The following LYPLAL1 variants were observed in gnomAD, a reference collection of about 807,000 sequenced individuals.
The protein encoded by LYPLAL1 is lysophospholipase-like protein 1.
A neutral mutation model predicts 19.7 loss-of-function variants in LYPLAL1; 23 were observed. The ratio of observed to expected loss-of-function variants is 1.17; its 90% CI spans 0.84 to 1.65. The LOEUF (loss-of-function observed/expected upper bound fraction) is 1.65, where lower values mean the gene tolerates loss of function less well. Among genes scored for constraint, LYPLAL1 ranks in the 40% most tolerant of loss-of-function variants. LYPLAL1 has a pLI of 0.00. For missense variants in LYPLAL1, 355 were observed against 279.4 expected, an observed-to-expected ratio of 1.27 and a Z score of -1.93; for synonymous variants, 119 against 96.3, an observed-to-expected ratio of 1.24 and a Z score of -1.38.
At chr1:219,395,909 C>T in the LYPLAL1 span, among the ~76,000 whole-genome samples, 1 of 152,022 alleles carries the variant, frequency 6.6e-6, no homozygotes, top group Non-Finnish European at 1.5e-5. Flanking sequence ...CGAGACCATC[C>T]TGGCTAACAC....
At chr1:219,302,828 G>A in the LYPLAL1 span, among the ~76,000 whole-genome samples, 1 of 151,878 alleles carries the variant, frequency 6.6e-6, no homozygotes, top group Non-Finnish European at 1.5e-5. Flanking sequence ...GATCTTCTAG[G>A]TCATTCCAGC....
At chr1:219,302,637 C>T in the LYPLAL1 span, among the ~76,000 whole-genome samples, 14 of 152,156 alleles carry the variant, frequency 9.2e-5, no homozygotes, top group South Asian at 2.1e-4. Flanking sequence ...GTGTGGAGGA[C>T]ACATGAGAAA....
At chr1:219,215,735 T>TA (rs1659269589), downstream of LYPLAL1, among the ~76,000 whole-genome samples, 1 of 152,152 alleles carries the variant, frequency 6.6e-6, no homozygotes, top group South Asian at 2.1e-4. Flanking sequence ...GGGACTCACT[T>TA]AAGTCAGTAA....
chr1:219,292,533 T>C, the LYPLAL1 span, among the ~76,000 whole-genome samples: 2 of 152,186 alleles, frequency 1.3e-5, no homozygotes, highest in Admixed American at 6.5e-5. Context: ...CAGGACATGC[T>C]TCTTCTGTCA....
chr1:219,224,319 T>A, the LYPLAL1 span, among the ~76,000 whole-genome samples: 1 of 152,210 alleles, frequency 6.6e-6, no homozygotes, highest in African/African-American at 2.4e-5. Flanking sequence ...ACAGTATTTT[T>A]AAGTGGCAAG....
chr1:219,434,200 C>T, the LYPLAL1 span, among the ~76,000 whole-genome samples: 1 of 152,014 alleles, frequency 6.6e-6, no homozygotes, highest in Admixed American at 6.6e-5. Flanking sequence ...TCTAAATGAC[C>T]ACAAAACTAC....
At chr1:219,228,315 C>A in the LYPLAL1 span, among the ~76,000 whole-genome samples, 1 of 151,998 alleles carries the variant, frequency 6.6e-6, no homozygotes, top group Non-Finnish European at 1.5e-5. Context: ...GATAGAATCA[C>A]CTTTTCATGC....
the LYPLAL1 span, among the ~76,000 whole-genome samples, chr1:219,370,136 T>C: frequency 6.6e-6 from 1 of 152,196 alleles, no homozygotes; most frequent in East Asian, 1.9e-4. Flanking sequence ...TCTAAGCACA[T>C]TGTACACAGC....
the LYPLAL1 span, among the ~76,000 whole-genome samples, chr1:219,343,729 T>C: frequency 6.6e-6 from 1 of 152,164 alleles, no homozygotes; most frequent in Non-Finnish European, 1.5e-5. Context: ...TTTACTTCAC[T>C]CTGTGGCACT....
chr1:219,309,353 G>A, the LYPLAL1 span, among the ~76,000 whole-genome samples: 1 of 152,222 alleles, frequency 6.6e-6, no homozygotes, highest in South Asian at 2.1e-4. Context: ...ACTTTGGACT[G>A]TGGACTTTTG....
intron 1 of LYPLAL1, among the ~76,000 whole-genome samples, chr1:219,176,400 T>C (rs181667773): frequency 2.6e-5 from 4 of 152,274 alleles, no homozygotes; most frequent in African/African-American, 9.6e-5. Context: ...ATGGCTTTCT[T>C]CTTGTGTGGT....
the LYPLAL1 span, among the ~76,000 whole-genome samples, chr1:219,334,527 GT>G: frequency 0.022 from 13 of 596 alleles, no homozygotes; most frequent in Non-Finnish European, 0.11. Context: ...ATGAAGAGGG[GT>G]GTGTGTGTGT....
At chr1:219,423,670 T>C in the LYPLAL1 span, among the ~76,000 whole-genome samples, 1 of 152,136 alleles carries the variant, frequency 6.6e-6, no homozygotes, top group Admixed American at 6.6e-5. Context: ...TATGGAGAGA[T>C]TATTTGAATA....
chr1:219,291,289 GT>G, the LYPLAL1 span, among the ~76,000 whole-genome samples: 1 of 152,310 alleles, frequency 6.6e-6, no homozygotes, highest in South Asian at 2.1e-4. Context: ...GATATAGTCA[GT>G]TTGTGTTTTA....
chr1:219,398,055 C>G, the LYPLAL1 span, among the ~76,000 whole-genome samples: 1 of 152,264 alleles, frequency 6.6e-6, no homozygotes, highest in South Asian at 2.1e-4. Context: ...TGTGAAGTAG[C>G]TTTGAAGTTC....
At chr1:219,288,698 A>C in the LYPLAL1 span, among the ~76,000 whole-genome samples, 8 of 152,214 alleles carry the variant, frequency 5.3e-5, no homozygotes, top group African/African-American at 7.2e-5. Context: ...GACTGTAACA[A>C]ATGCACCACT....
the LYPLAL1 span, among the ~76,000 whole-genome samples, chr1:219,267,172 C>G: frequency 6.6e-6 from 1 of 152,046 alleles, no homozygotes; most frequent in Non-Finnish European, 1.5e-5. Context: ...TCCAAAAACC[C>G]TAGGAGGAAT....
At chr1:219,310,840 A>G in the LYPLAL1 span, among the ~76,000 whole-genome samples, 1 of 152,260 alleles carries the variant, frequency 6.6e-6, no homozygotes, top group Non-Finnish European at 1.5e-5. Flanking sequence ...GTTCAACTAC[A>G]TGTTCTCTAT....
At chr1:219,396,989 GC>G in the LYPLAL1 span, among the ~76,000 whole-genome samples, 1 of 152,098 alleles carries the variant, frequency 6.6e-6, no homozygotes, top group Admixed American at 6.5e-5. Flanking sequence ...CTTGTCTTGT[GC>G]CTGTTTTCAA....
Sources: allele counts gnomAD v4.1 joint callset (sites outside exome capture counted in the v4.1 genomes callset), GRCh38; gene constraint gnomAD v4.1.1; transcripts MANE v1.5; gene names NCBI Gene and HGNC (gene_info 2026-07-23, HGNC 2026-07-21).